ATP11C: variants seen among roughly 807,000 people sequenced by gnomAD.
ATP11C encodes phospholipid-transporting ATPase IG.
A neutral mutation model predicts 97.4 loss-of-function variants in ATP11C; 36 were observed. That is an observed-to-expected ratio of 0.37 (90% CI 0.28 to 0.49). The LOEUF (loss-of-function observed/expected upper bound fraction) is 0.49. Ranked by LOEUF, ATP11C falls within the 20% of genes least tolerant of loss-of-function variation. The pLI is 0.98. For missense variants in ATP11C, 730 were observed against 824.6 expected (o/e 0.89, Z 1.40); for synonymous variants, 275 against 290.9 (o/e 0.95, Z 0.56).
At chrX:139,791,360 A>C (rs771799154) in intron 12 of ATP11C, among the ~76,000 whole-genome samples, 4 of 111,885 alleles carry the variant, frequency 3.6e-5, no homozygotes, top group African/African-American at 1.3e-4. Flanking sequence ...GAGCATTAGA[A>C]TCTCTTTTGT....
intron 1 of ATP11C, among the ~76,000 whole-genome samples, chrX:139,852,797 T>C (rs1023742963): frequency 1.2e-4 from 13 of 110,172 alleles, no homozygotes; most frequent in Admixed American, 2.9e-4. Flanking sequence ...TAATTCTCCC[T>C]TAGGGGAGCA....
At position 139,933,050 on chromosome X, in the gene ATP11C, T is replaced by C. The variant is rs1359208197; in HGVS notation, c.-1008A>G. On this transcript the variant is annotated 5_prime_UTR_variant, in exon 1 of 30. Transcript: ENST00000682941. ...TCTGAGGTTGTAAAGTCAGGCTTTG[T>C]GTCGTTGCTGCTGCGCAGCGGGGCG... 2 of 111,782 alleles carry C rather than the reference T, an allele frequency of 1.8e-5. No homozygotes were observed. Among genetic ancestry groups the C allele is most frequent in the East Asian group, 2.9e-4 (1 of 3,491 alleles). 9.2% of individuals were successfully genotyped at this position (111,782 alleles called of 1,213,427 possible). A position where few individuals can be genotyped will look rare whatever the true frequency, so the allele number is the denominator to read the frequency against.
chrX:139,752,264 A>G (rs1006888725), intron 23 of ATP11C, among the ~76,000 whole-genome samples: 1 of 111,341 alleles, frequency 9.0e-6, no homozygotes, highest in Non-Finnish European at 1.9e-5. Context: ...ATCAGTACCC[A>G]ACATAATATA....
chrX:139,878,232 A>G (rs1378350651), intron 1 of ATP11C, among the ~76,000 whole-genome samples: 1 of 111,654 alleles, frequency 9.0e-6, no homozygotes, highest in African/African-American at 3.3e-5. Flanking sequence ...TGCACAGACA[A>G]AGCTTAGCAC....
chrX:139,836,940 A>G (rs974254617), intron 1 of ATP11C, among the ~76,000 whole-genome samples: 3 of 111,821 alleles, frequency 2.7e-5, no homozygotes, highest in African/African-American at 9.8e-5. Flanking sequence ...TTTAAAATTA[A>G]TAAACCTCTT....
At chrX:139,860,104 CAAAAAAAAAAAA>C (rs1245214221) in intron 1 of ATP11C, among the ~76,000 whole-genome samples, 5 of 20,419 alleles carry the variant, frequency 2.4e-4, no homozygotes, top group African/African-American at 1.2e-3. Context: ...GACTCCGTCT[CAAAAAAAAAAAA>C]AAAAAAAAAA....
intron 6 of ATP11C, 44 bp from the exon 7 acceptor site, chrX:139,802,383 T>G: frequency 1.1e-6 from 1 of 902,242 alleles, no homozygotes; most frequent in Non-Finnish European, 1.6e-6. Flanking sequence ...AAAAACTTTC[T>G]TTTCATAATC....
chrX:139,934,488 A>C, upstream of ATP11C, among the ~76,000 whole-genome samples: 1 of 109,924 alleles, frequency 9.1e-6, no homozygotes. Context: ...AGAGATCTAA[A>C]GTTTTGCTCT....
intron 16 of ATP11C, among the ~76,000 whole-genome samples, chrX:139,784,862 T>C (rs2148722574): frequency 9.0e-6 from 1 of 111,173 alleles, no homozygotes; most frequent in South Asian, 3.9e-4. Flanking sequence ...CTGCTAGTAA[T>C]CCCAAACCAT....
rs1473330282 is a variant in ATP11C, at chrX:139,728,718, A to C, written c.*248T>G. ...TATTCTTGCTTTCAACTTTCATATA[A>C]TTCTTAACTTACAGCTTTGGCCATA... On this transcript the variant is annotated 3_prime_UTR_variant, in exon 30 of 30. Coordinates refer to ENST00000682941, the MANE Select transcript of ATP11C (RefSeq NM_001353812.2). The C allele has an allele frequency of 5.6e-6, 2 of 358,877 alleles. No homozygotes were observed. Among genetic ancestry groups the C allele is most frequent in the Non-Finnish European group, 9.8e-6 (2 of 204,899 alleles). 29.6% of individuals were successfully genotyped at this position (358,877 alleles called of 1,213,427 possible). A position where few individuals can be genotyped will look rare whatever the true frequency, so the allele number is the denominator to read the frequency against.
chrX:139,787,066 G>C (rs911937103), intron 15 of ATP11C, 107 bp downstream of exon 15: 5 of 1,064,991 alleles, frequency 4.7e-6, no homozygotes, highest in Non-Finnish European at 5.1e-6. Context: ...GGGAGAGCAG[G>C]GTCCTGTATT....
At chrX:139,839,832 C>G (rs1034248005) in intron 1 of ATP11C, among the ~76,000 whole-genome samples, 7 of 111,678 alleles carry the variant, frequency 6.3e-5, no homozygotes, top group Admixed American at 2.9e-4. Context: ...CATTTGCCCT[C>G]CTCTTCTCTT....
chrX:139,826,772 G>A lies in ATP11C; in HGVS notation c.79C>T (p.His27Tyr), dbSNP rs371311929. ...TAAGCTTCTGTTTCCGAAACTGGATGATTGCCAACAAACACTGTGCGTGTG... is the reference window on the plus strand; with the variant it reads ...TAAGCTTCTGTTTCCGAAACTGGATAATTGCCAACAAACACTGTGCGTGTG... ...VGTRTVFVGN[H>Y]PVSETEAYIA... The change falls in exon 2 of 30, where the codon CAT becomes TAT. Residue 27 changes from histidine (H) to tyrosine (Y), a missense_variant. Coordinates refer to ENST00000682941, the MANE Select transcript of ATP11C (RefSeq NM_001353812.2). 27 of 1,208,024 alleles carry A rather than the reference G, an allele frequency of 2.2e-5. No individual in the cohort carries two copies. The highest frequency in any genetic ancestry group is 2.9e-5 in the Non-Finnish European group (26 of 892,761).
chrX:139,789,557 C>A, intron 12 of ATP11C, 69 bp from the exon 13 acceptor site: 1 of 900,017 alleles, frequency 1.1e-6, no homozygotes, highest in Non-Finnish European at 1.5e-6. Flanking sequence ...TGCTGTAACG[C>A]AAAGCTATTT....
rs1256788683 is a variant in ATP11C, at chrX:139,847,330, T to G, written c.28-20507A>C. Among the ~76,000 whole-genome samples, 3 of 110,357 alleles carry G rather than the reference T, an allele frequency of 2.7e-5. No homozygotes were observed. The Admixed American group carries it at 2.9e-4, about 11-fold the overall frequency. ...CCTGGGAGGCAGAGATTGCAGTGAG[T>G]CAAGATCACGCCACTGCACTCCAGC... On this transcript the variant is annotated intron_variant, in intron 1 of 29. Transcript: ENST00000682941.
chrX:139,810,806 A>C (rs1307299886), intron 5 of ATP11C, among the ~76,000 whole-genome samples: 1 of 109,086 alleles, frequency 9.2e-6, no homozygotes, highest in Non-Finnish European at 1.9e-5. Context: ...GAATTTTACA[A>C]TCTATTTCAT....
chrX:139,815,093 A>G (rs769207652), intron 4 of ATP11C, 108 bp from the exon 5 acceptor site: 14 of 425,580 alleles, frequency 3.3e-5, no homozygotes, highest in Non-Finnish European at 5.1e-5. Flanking sequence ...TAATTATAGC[A>G]TTAATTTAAA....
intron 1 of ATP11C, among the ~76,000 whole-genome samples, chrX:139,918,566 G>A (rs2085194954): frequency 1.0e-5 from 1 of 95,443 alleles, no homozygotes; most frequent in South Asian, 6.9e-4. Flanking sequence ...GTGGGGGTGG[G>A]GACAGAGGTT....
At chrX:139,886,235 TA>T (rs200488334) in intron 1 of ATP11C, among the ~76,000 whole-genome samples, 2 of 110,452 alleles carry the variant, frequency 1.8e-5, no homozygotes, top group Non-Finnish European at 3.8e-5. Context: ...TGCCTTGCTA[TA>T]AAAAAAATCA....
Sources: gnomAD v4.1 joint callset for allele counts (sites outside exome capture counted in the v4.1 genomes callset) on GRCh38, gnomAD v4.1.1 for gene constraint, MANE v1.5 for transcripts, NCBI Gene and HGNC (gene_info 2026-07-23, HGNC 2026-07-21) for gene names.